Variants in SUMF1 observed in about 807,000 individuals in gnomAD.
SUMF1 encodes the protein sulfatase modifying factor 1.
In SUMF1, 48 loss-of-function variants were observed where a neutral mutation model predicts 47.6. The ratio of observed to expected loss-of-function variants is 1.01; its 90% CI spans 0.80 to 1.28. The LOEUF (loss-of-function observed/expected upper bound fraction) is 1.28. SUMF1 is among the 50% of genes most tolerant of loss of function. The probability of loss-of-function intolerance (pLI) is 0.00; values close to 1 mark genes in which losing one functional copy is unlikely to be tolerated. For missense variants in SUMF1, 571 were observed against 485.4 expected, an observed-to-expected ratio of 1.18 and a Z score of -1.66; for synonymous variants, 230 against 192.1, an observed-to-expected ratio of 1.20 and a Z score of -1.63.
intron 8 of SUMF1, among the ~76,000 whole-genome samples, chr3:4,267,809 A>C (rs1456642562): frequency 6.7e-6 from 1 of 149,266 alleles, no homozygotes; most frequent in East Asian, 1.9e-4. Context: ...TAGTTCAACC[A>C]TTGTGGAAGT....
rs1211355018 is a variant in SUMF1, at chr3:4,137,932, C to T, written c.1015-69187G>A. Among the ~76,000 whole-genome samples, 3 of 149,276 alleles carry T rather than the reference C, an allele frequency of 2.0e-5. No homozygotes were observed. The Admixed American group carries it at 2.0e-4, about 10-fold the overall frequency. On this transcript the variant is annotated intron_variant and NMD_transcript_variant, in intron 8 of 12. Coordinates refer to the SUMF1 transcript ENST00000448413. ...CTAATAATACACACACACACACACA[C>T]ATTATTAGAACTAATAAGTGAGTTC...
At chr3:4,296,123 A>AAAAAAC (rs1428398092) in intron 8 of SUMF1, among the ~76,000 whole-genome samples, 1 of 152,068 alleles carries the variant, frequency 6.6e-6, no homozygotes, top group African/African-American at 2.4e-5. Context: ...CTTTTTTAAA[A>AAAAAAC]AAAAAACAAT....
intron 1 of SUMF1, among the ~76,000 whole-genome samples, chr3:4,459,260 C>T (rs2079746593): frequency 6.6e-6 from 1 of 151,996 alleles, no homozygotes; most frequent in Non-Finnish European, 1.5e-5. Flanking sequence ...TTTACTCATT[C>T]CACAATGTAA....
chr3:4,147,637 T>C (rs1211726626), intron 8 of SUMF1, among the ~76,000 whole-genome samples: 1 of 152,162 alleles, frequency 6.6e-6, no homozygotes. Context: ...CACACCTACA[T>C]AAAAATTATT....
At chr3:4,279,970 C>A (rs1004470006) in intron 8 of SUMF1, among the ~76,000 whole-genome samples, 1 of 152,064 alleles carries the variant, frequency 6.6e-6, no homozygotes, top group Non-Finnish European at 1.5e-5. Context: ...AAGCTGTATT[C>A]TTTAAAGGAT....
In SUMF1 at chr3:4,376,318, G is replaced by A. The variant is rs776947608; in HGVS notation, c.1014+12C>T. 2.9e-5 allele frequency: 46 copies of A among 1,613,950 alleles called. No homozygotes were observed. The highest frequency in any genetic ancestry group is 3.4e-6 in the Non-Finnish European group (4 of 1,179,940). Reference sequence around the variant, plus strand: ...AACAAGAACGGCAAAACAGTTTAGTGACATGACTTACCCTATGGCACATGT... The same window carrying A: ...AACAAGAACGGCAAAACAGTTTAGTAACATGACTTACCCTATGGCACATGT... On this transcript the variant is annotated intron_variant, in intron 8 of 8. Transcript: ENST00000272902.
At chr3:4,194,838 G>A (rs1430793606) in intron 8 of SUMF1, among the ~76,000 whole-genome samples, 1 of 152,110 alleles carries the variant, frequency 6.6e-6, no homozygotes, top group Non-Finnish European at 1.5e-5. Flanking sequence ...TTCGAACAAT[G>A]TTATTTACTG....
intron 8 of SUMF1, among the ~76,000 whole-genome samples, chr3:4,327,182 A>G (rs1392628109): frequency 6.6e-6 from 1 of 152,234 alleles, no homozygotes; most frequent in Non-Finnish European, 1.5e-5. Context: ...CAAAAAAGTC[A>G]TAGAAACATT....
At chr3:4,037,816 T>C (rs1694827622) in intron 9 of SUMF1, among the ~76,000 whole-genome samples, 1 of 152,228 alleles carries the variant, frequency 6.6e-6, no homozygotes, top group Non-Finnish European at 1.5e-5. Context: ...AGATTGAATA[T>C]GGTCAGTAGA....
At chr3:4,365,960 T>C (rs916214171) in intron 8 of SUMF1, among the ~76,000 whole-genome samples, 1 of 152,146 alleles carries the variant, frequency 6.6e-6, no homozygotes, top group African/African-American at 2.4e-5. Flanking sequence ...GTATCTTATT[T>C]CTCCTTCACT....
chr3:4,228,267 T>C (rs1328393549), intron 8 of SUMF1, among the ~76,000 whole-genome samples: 1 of 152,144 alleles, frequency 6.6e-6, no homozygotes, highest in Non-Finnish European at 1.5e-5. Flanking sequence ...ACACCTGCTC[T>C]AACTCAAAAC....
chr3:4,325,137 C>T (rs1374795669), intron 8 of SUMF1, among the ~76,000 whole-genome samples: 2 of 152,140 alleles, frequency 1.3e-5, no homozygotes, highest in East Asian at 3.8e-4. Context: ...CACCAGGTCC[C>T]TCCCATGACA....
chr3:4,388,697 T>C (rs1313704337), intron 7 of SUMF1, among the ~76,000 whole-genome samples: 1 of 152,108 alleles, frequency 6.6e-6, no homozygotes, highest in Non-Finnish European at 1.5e-5. Context: ...ATTCCATTTT[T>C]ATGTAACTAT....
At chr3:4,261,894 C>A (rs1297278269) in intron 8 of SUMF1, among the ~76,000 whole-genome samples, 1 of 152,192 alleles carries the variant, frequency 6.6e-6, no homozygotes, top group Admixed American at 6.5e-5. Context: ...TCTACTTCTA[C>A]AAGCAACCTA....
chr3:4,401,545 G>T (rs115599475), intron 7 of SUMF1, among the ~76,000 whole-genome samples: 4,891 of 152,196 alleles, frequency 0.032, 140 homozygotes, highest in African/African-American at 0.076. Flanking sequence ...TACTGTACCC[G>T]TGGGAATGGC....
chr3:4,425,207 A>G (rs1702030585), intron 3 of SUMF1, among the ~76,000 whole-genome samples: 1 of 152,230 alleles, frequency 6.6e-6, no homozygotes. Context: ...CTTGAACAAC[A>G]GTATCACCTT....
chr3:4,327,370 T>A (rs187057881), intron 8 of SUMF1, among the ~76,000 whole-genome samples: 123 of 152,298 alleles, frequency 8.1e-4, no homozygotes, highest in African/African-American at 2.8e-3. Flanking sequence ...CAGAAGAGTC[T>A]TTTCCATAAA....
chr3:4,247,174 G>C (rs1220397114), intron 8 of SUMF1, among the ~76,000 whole-genome samples: 2 of 152,162 alleles, frequency 1.3e-5, no homozygotes, highest in African/African-American at 4.8e-5. Flanking sequence ...CAGTGTGTCA[G>C]CAACAGAAGC....
intron 8 of SUMF1, among the ~76,000 whole-genome samples, chr3:4,081,565 G>T (rs746126577): frequency 6.6e-6 from 1 of 152,112 alleles, no homozygotes; most frequent in Non-Finnish European, 1.5e-5. Context: ...AGAAAAAAAG[G>T]CTCCACAGCT....
Sources: allele counts gnomAD v4.1 joint callset (sites outside exome capture counted in the v4.1 genomes callset), GRCh38; gene constraint gnomAD v4.1.1; transcripts MANE v1.5; gene names NCBI Gene and HGNC (gene_info 2026-07-23, HGNC 2026-07-21).